The following CLEC11A variants were observed in gnomAD, a reference collection of about 807,000 sequenced individuals.
CLEC11A encodes the protein C-type lectin domain containing 11A, also known as C-type lectin domain family 11 member A.
In CLEC11A, 35 loss-of-function variants were observed where a neutral mutation model predicts 33.9. The ratio of observed to expected loss-of-function variants is 1.03; its 90% CI spans 0.79 to 1.37. CLEC11A has a LOEUF of 1.37. Ranked by LOEUF, CLEC11A falls within the 40% of genes most tolerant of loss-of-function variation. The pLI is 0.00. For missense variants in CLEC11A, 519 were observed against 455.5 expected (o/e 1.14, Z -1.27); for synonymous variants, 220 against 202.2 (o/e 1.09, Z -0.75).
In CLEC11A at chr19:50,724,077, T is replaced by C; in HGVS notation, c.320T>C (p.Ile107Thr). 4.8e-6 allele frequency: 6 copies of C among 1,247,908 alleles called. No individual in the cohort carries two copies. Among genetic ancestry groups the C allele is most frequent in the Non-Finnish European group, 6.8e-6 (6 of 882,754 alleles). The allele number at this position is 1,247,908 out of a possible 1,614,324, so 77.3% of individuals were successfully genotyped here. ...AGCCCCTCTCCCACCCCTGAGGACA[T>C]CGTCACTTACATCCGTGAGTAACCA... ...GPSPSPTPED[I>T]VTYILGRLAG... Residue 107 changes from isoleucine (I) to threonine (T), a missense_variant, in exon 2 of 4, where the codon ATC (isoleucine) becomes ACC (threonine). By Grantham distance (89) the Ile-to-Thr change is moderately conservative (BLOSUM62 -1). Transcript: ENST00000250340. The surrounding 1 kb of genome is among the most constrained non-coding windows in gnomAD (Gnocchi z 4.1).
Position 50,725,545 on chromosome 19 carries a change from T to G in CLEC11A, c.*78T>G, listed in dbSNP as rs1053020. The G allele has an allele frequency of 0.71, 1,040,608 of 1,456,252 alleles. 375,440 individuals are homozygous for G. Among genetic ancestry groups the G allele is most frequent in the African/African-American group, 0.84 (59,145 of 70,096 alleles). The allele number at this position is 1,456,252 out of a possible 1,614,324, so 90.2% of individuals were successfully genotyped here. On this transcript the variant is annotated 3_prime_UTR_variant, in exon 4 of 4. Transcript: ENST00000250340. ...GCCGTGCCCACCCTCCTCCGGAATC[T>G]CCCTTCCCTTCCTGGCCACGAATGG...
Position 50,724,619 on chromosome 19 carries a change from G to A in CLEC11A, c.526+18G>A, listed in dbSNP as rs994706529. On this transcript the variant is annotated intron_variant, in intron 3 of 3. Transcript: ENST00000250340. The surrounding 1 kb of genome is among the most constrained non-coding windows in gnomAD (Gnocchi z 4.1). The stretch of plus-strand genomic sequence containing the variant: ...CTTGGAGGGTGAGTCCGCGGCGCGC[G>A]GGGTGGAAAAAAATGAGACTATCTG... 9 of 1,389,198 alleles carry A rather than the reference G, an allele frequency of 6.5e-6. No individual in the cohort carries two copies. The highest frequency in any genetic ancestry group is 2.9e-5 in the East Asian group (1 of 34,438). 86.1% of individuals were successfully genotyped at this position (1,389,198 alleles called of 1,614,324 possible).
rs1252947297 is a variant in CLEC11A, at chr19:50,725,253, T to A, written c.758T>A (p.Phe253Tyr). 1 of 1,610,290 alleles carries A rather than the reference T, an allele frequency of 6.2e-7. No homozygotes were observed. The highest frequency in any genetic ancestry group is 1.7e-5 in the Admixed American group (1 of 59,792). ...CGGCGCGCCGAGGGCCTCTACCTCTTCGAAAACGGCCAGCGCGTGTCCTTC... is the reference window on the plus strand; with the variant it reads ...CGGCGCGCCGAGGGCCTCTACCTCTACGAAAACGGCCAGCGCGTGTCCTTC... Reference protein sequence around the residue: ...HDRRAEGLYLFENGQRVSFFA... With the variant: ...HDRRAEGLYLYENGQRVSFFA... Residue 253 changes from phenylalanine to tyrosine, a missense_variant, in exon 4 of 4, where the codon TTC becomes TAC. Transcript: ENST00000250340.
Position 50,724,592 on chromosome 19 carries a change from C to A in CLEC11A, c.517C>A (p.Arg173Ser), listed in dbSNP as rs1422205616. Residue 173 changes from arginine to serine, a missense_variant, in exon 3 of 4, where the codon CGC (arginine) becomes AGC (serine). Arg to Ser is a moderately radical substitution (Grantham distance 110). Coordinates refer to ENST00000250340, the MANE Select transcript of CLEC11A (RefSeq NM_002975.3). This position sits in a 1 kb window ranked among gnomAD's most constrained non-coding sequence, Gnocchi z 4.1. The part of the protein sequence containing the change: ...AQGRAEREHG[R>S]LEGCLKGLRL... ...GGGTCGCGCCGAGCGCGAGCACGGC[C>A]GCTTGGAGGGTGAGTCCGCGGCGCG... 2.1e-6 allele frequency: 3 copies of A among 1,414,090 alleles called. No homozygotes were observed. The highest frequency in any genetic ancestry group is 3.0e-5 in the African/African-American group (2 of 66,466). The allele number at this position is 1,414,090 out of a possible 1,614,324, so 87.6% of individuals were successfully genotyped here.
rs747045521 is a variant in CLEC11A at position 50,724,141 on chromosome 19, C to A, written c.334+50C>A. 6.2e-7 allele frequency: 1 copy of A among 1,600,960 alleles called. No homozygotes were observed. The highest frequency in any genetic ancestry group is 1.1e-5 in the South Asian group (1 of 89,652). ...CCAAACTCCTAGGCCGCCGCGGTCA[C>A]TTTCGCAAAAATGAAGGGTCGGTTC... is the stretch of plus-strand genomic sequence containing the variant. On this transcript the variant is annotated intron_variant, in intron 2 of 3. Transcript: ENST00000250340. The surrounding 1 kb of genome is among the most constrained non-coding windows in gnomAD (Gnocchi z 4.1).
chr19:50,724,891 C>T lies in CLEC11A; in HGVS notation c.527-131C>T, dbSNP rs577916616. On this transcript the variant is annotated intron_variant, in intron 3 of 3. Transcript: ENST00000250340. This position sits in a 1 kb window ranked among gnomAD's most constrained non-coding sequence, Gnocchi z 4.1. ...ACCTCCTGGCTCCCGCGGTTCTGAC[C>T]ACGCCTCCTCCCAGCCCTCCCCATG... 171 of 1,409,516 alleles carry T rather than the reference C, an allele frequency of 1.2e-4. 1 individual carries two copies. The African/African-American group carries it at 2.2e-3, about 18-fold the overall frequency. The allele number at this position is 1,409,516 out of a possible 1,614,324, so 87.3% of individuals were successfully genotyped here.
chr19:50,724,797 G>T lies in CLEC11A; in HGVS notation c.526+196G>T, dbSNP rs887188641. On this transcript the variant is annotated intron_variant, in intron 3 of 3. Transcript: ENST00000250340. This position sits in a 1 kb window ranked among gnomAD's most constrained non-coding sequence, Gnocchi z 4.1. ...CTCCAGACCCGCGCGGACCCGACTG[G>T]GGCAGCACCACGCCCCCTACAGTCC... Among the ~76,000 whole-genome samples, 29 of 151,926 alleles carry T rather than the reference G, an allele frequency of 1.9e-4. 1 individual carries two copies. Among genetic ancestry groups the T allele is most frequent in the Admixed American group, 3.9e-4 (6 of 15,278 alleles).
In CLEC11A at chr19:50,724,296, C is replaced by T; in HGVS notation, c.335-114C>T. 2.8e-6 allele frequency: 3 copies of T among 1,079,988 alleles called. No homozygotes were observed. Among genetic ancestry groups the T allele is most frequent in the Non-Finnish European group, 2.6e-6 (2 of 783,402 alleles). The allele number at this position is 1,079,988 out of a possible 1,614,324, so 66.9% of individuals were successfully genotyped here. A position where few individuals can be genotyped will look rare whatever the true frequency, so the allele number is the denominator to read the frequency against. On this transcript the variant is annotated intron_variant, in intron 2 of 3. Transcript: ENST00000250340. This position sits in a 1 kb window ranked among gnomAD's most constrained non-coding sequence, Gnocchi z 4.1. ...CCCTACCTTCCAGGAGTCCGGGGTGCCCCCCCCACCGCCACCCCGCCCTCA... is the reference window on the plus strand; with the variant it reads ...CCCTACCTTCCAGGAGTCCGGGGTGTCCCCCCCACCGCCACCCCGCCCTCA...
In CLEC11A at chr19:50,724,078, C is replaced by T. The variant is rs761600337; in HGVS notation, c.321C>T (p.Ile107=). The T allele has an allele frequency of 5.0e-6, 8 of 1,603,890 alleles. No homozygotes were observed. Among genetic ancestry groups the T allele is most frequent in the Admixed American group, 1.7e-5 (1 of 59,812 alleles). ...GCCCCTCTCCCACCCCTGAGGACATCGTCACTTACATCCGTGAGTAACCAG... is the reference window on the plus strand; with the variant it reads ...GCCCCTCTCCCACCCCTGAGGACATTGTCACTTACATCCGTGAGTAACCAG... ...GPSPSPTPED[I]VTYILGRLAG... The change falls in exon 2 of 4, where the codon ATC becomes ATT. Residue 107 remains isoleucine, a synonymous_variant. Coordinates refer to ENST00000250340, the MANE Select transcript of CLEC11A (RefSeq NM_002975.3). The surrounding 1 kb of genome is among the most constrained non-coding windows in gnomAD (Gnocchi z 4.1).
Position 50,723,416 on chromosome 19 carries a change from G to A in CLEC11A, c.-110G>A. 1 of 1,100,790 alleles carries A rather than the reference G, an allele frequency of 9.1e-7. No individual in the cohort carries two copies. Among genetic ancestry groups the A allele is most frequent in the Non-Finnish European group, 1.3e-6 (1 of 743,450 alleles). The allele number at this position is 1,100,790 out of a possible 1,614,324, so 68.2% of individuals were successfully genotyped here. On this transcript the variant is annotated 5_prime_UTR_variant, in exon 1 of 4. Coordinates refer to ENST00000250340, the MANE Select transcript of CLEC11A (RefSeq NM_002975.3). The surrounding 1 kb of genome is among the most constrained non-coding windows in gnomAD (Gnocchi z 4.1). Reference sequence around the variant, plus strand: ...GAAGCTGGGAGAATCGGGAACCTGGGGGCTAGTGACCTGCACACAGGGCAG... The same window carrying A: ...GAAGCTGGGAGAATCGGGAACCTGGAGGCTAGTGACCTGCACACAGGGCAG...
rs1022634223 is a variant in CLEC11A at position 50,725,677 on chromosome 19, G to T, written c.*210G>T. 5.8e-6 allele frequency: 5 copies of T among 868,454 alleles called. No individual in the cohort carries two copies. Among genetic ancestry groups the T allele is most frequent in the Non-Finnish European group, 8.5e-6 (5 of 588,118 alleles). 53.8% of individuals were successfully genotyped at this position (868,454 alleles called of 1,614,324 possible). On this transcript the variant is annotated 3_prime_UTR_variant, in exon 4 of 4. Transcript: ENST00000250340. ...CTTGAAGGGGCGGGCACCAGGCTAGGTCCGGTGCCAATAAATCCTTGTGGA... is the reference window on the plus strand; with the variant it reads ...CTTGAAGGGGCGGGCACCAGGCTAGTTCCGGTGCCAATAAATCCTTGTGGA...
In CLEC11A at chr19:50,723,770, A is replaced by G; in HGVS notation, c.147+98A>G. 6.5e-7 allele frequency: 1 copy of G among 1,529,226 alleles called. No homozygotes were observed. The allele number at this position is 1,529,226 out of a possible 1,614,324, so 94.7% of individuals were successfully genotyped here. A position where few individuals can be genotyped will look rare whatever the true frequency, so the allele number is the denominator to read the frequency against. On this transcript the variant is annotated intron_variant, in intron 1 of 3. Coordinates refer to ENST00000250340, the MANE Select transcript of CLEC11A (RefSeq NM_002975.3). The surrounding 1 kb of genome is among the most constrained non-coding windows in gnomAD (Gnocchi z 4.1). ...AAATGGACAATGAGGAGCGATTGGGATAGTCTCAGAGGAGTGGGAGGGTGA... is the reference window on the plus strand; with the variant it reads ...AAATGGACAATGAGGAGCGATTGGGGTAGTCTCAGAGGAGTGGGAGGGTGA...
At position 50,725,627 on chromosome 19, in the gene CLEC11A, G is replaced by T; in HGVS notation, c.*160G>T. 7.8e-7 allele frequency: 1 copy of T among 1,284,316 alleles called. No individual in the cohort carries two copies. The allele number at this position is 1,284,316 out of a possible 1,614,324, so 79.6% of individuals were successfully genotyped here. On this transcript the variant is annotated 3_prime_UTR_variant, in exon 4 of 4. Transcript: ENST00000250340. ...TTCTGGGAGGGCTCTTGCGGTGCCG[G>T]CACTCCTCCTTGTTAGTGTCTTTCC...
At position 50,725,057 on chromosome 19, in the gene CLEC11A, T is replaced by G; in HGVS notation, c.562T>G (p.Phe188Val). The G allele has an allele frequency of 6.6e-7, 1 of 1,517,584 alleles. No individual in the cohort carries two copies. The highest frequency in any genetic ancestry group is 1.3e-5 in the South Asian group (1 of 79,004). The allele number at this position is 1,517,584 out of a possible 1,614,324, so 94.0% of individuals were successfully genotyped here. A position where few individuals can be genotyped will look rare whatever the true frequency, so the allele number is the denominator to read the frequency against. The part of the protein sequence containing the change: ...LKGLRLGHKC[F>V]LLSRDFEAQA... ...GGGGCTGCGCCTGGGCCACAAGTGC[T>G]TCCTGCTCTCGCGCGACTTCGAAGC... Residue 188 changes from phenylalanine to valine, a missense_variant, in exon 4 of 4, where the codon TTC (phenylalanine) becomes GTC (valine). Phe to Val is a conservative substitution (Grantham distance 50). Transcript: ENST00000250340.
Position 50,724,467 on chromosome 19 carries a change from C to G in CLEC11A, c.392C>G (p.Ala131Gly). The change falls in exon 3 of 4, where the codon GCG (alanine) becomes GGG (glycine). Residue 131 changes from alanine (A) to glycine (G), a missense_variant. Transcript: ENST00000250340. This position sits in a 1 kb window ranked among gnomAD's most constrained non-coding sequence, Gnocchi z 4.1. ...GLHQLHVRLH[A>G]LDTRVVELTQ... ...CACCAGCTGCACGTCCGTCTGCACG[C>G]GTTGGACACCCGCGTGGTCGAGCTG... is the stretch of plus-strand genomic sequence containing the variant. The G allele has an allele frequency of 6.4e-7, 1 of 1,574,666 alleles. No homozygotes were observed. Among genetic ancestry groups the G allele is most frequent in the South Asian group, 1.1e-5 (1 of 88,234 alleles).
In CLEC11A at chr19:50,725,080, A is replaced by G. The variant is rs772387186; in HGVS notation, c.585A>G (p.Glu195=). The change falls in exon 4 of 4, where the codon GAA becomes GAG. Residue 195 remains glutamate (E), a synonymous_variant. Transcript: ENST00000250340. ...HKCFLLSRDF[E]AQAAAQARCT... Reference sequence around the variant, plus strand: ...GCTTCCTGCTCTCGCGCGACTTCGAAGCTCAGGCGGCGGCGCAGGCGCGGT... The same window carrying G: ...GCTTCCTGCTCTCGCGCGACTTCGAGGCTCAGGCGGCGGCGCAGGCGCGGT... 14 of 1,521,394 alleles carry G rather than the reference A, an allele frequency of 9.2e-6. No homozygotes were observed. Among genetic ancestry groups the G allele is most frequent in the Non-Finnish European group, 1.1e-5 (13 of 1,136,724 alleles). The allele number at this position is 1,521,394 out of a possible 1,614,324, so 94.2% of individuals were successfully genotyped here.
Position 50,725,430 on chromosome 19 carries a change from A to AGCG in CLEC11A, c.939_941dup (p.Arg314dup). The AGCG allele has an allele frequency of 6.2e-7, 1 of 1,610,324 alleles. No individual in the cohort carries two copies. Among genetic ancestry groups the AGCG allele is most frequent in the South Asian group, 1.1e-5 (1 of 90,680 alleles). ...GGCTCCTGGTGGGACCACGACTGCC[A>AGCG]GCGGCGTCTCTACTACGTCTGCGAG... On this transcript the variant is annotated inframe_insertion, in exon 4 of 4. Coordinates refer to ENST00000250340, the MANE Select transcript of CLEC11A (RefSeq NM_002975.3).
chr19:50,725,090 G>GCGGCGCAGGCGCGGTGCA lies in CLEC11A; in HGVS notation c.602_619dup (p.Gln201_Ala206dup). On this transcript the variant is annotated inframe_insertion, in exon 4 of 4. Transcript: ENST00000250340. ...CTCGCGCGACTTCGAAGCTCAGGCGGCGGCGCAGGCGCGGTGCACGGCGCG... is the reference window on the plus strand; with the variant it reads ...CTCGCGCGACTTCGAAGCTCAGGCGGCGGCGCAGGCGCGGTGCACGGCGCAGGCGCGGTGCACGGCGCG... The GCGGCGCAGGCGCGGTGCA allele has an allele frequency of 6.6e-7, 1 of 1,521,548 alleles. No individual in the cohort carries two copies. Among genetic ancestry groups the GCGGCGCAGGCGCGGTGCA allele is most frequent in the Non-Finnish European group, 8.8e-7 (1 of 1,136,880 alleles). The allele number at this position is 1,521,548 out of a possible 1,614,324, so 94.3% of individuals were successfully genotyped here.
At position 50,724,467 on chromosome 19, in the gene CLEC11A, C is replaced by T. The variant is rs1352847434; in HGVS notation, c.392C>T (p.Ala131Val). 6.4e-7 allele frequency: 1 copy of T among 1,574,666 alleles called. No homozygotes were observed. The highest frequency in any genetic ancestry group is 2.3e-5 in the East Asian group (1 of 43,054). ...GLHQLHVRLH[A>V]LDTRVVELTQ... ...CACCAGCTGCACGTCCGTCTGCACGCGTTGGACACCCGCGTGGTCGAGCTG... is the reference window on the plus strand; with the variant it reads ...CACCAGCTGCACGTCCGTCTGCACGTGTTGGACACCCGCGTGGTCGAGCTG... The change falls in exon 3 of 4, where the codon GCG becomes GTG. Residue 131 changes from alanine to valine, a missense_variant. Ala to Val is a moderately conservative substitution (Grantham distance 64). Coordinates refer to ENST00000250340, the MANE Select transcript of CLEC11A (RefSeq NM_002975.3). This position sits in a 1 kb window ranked among gnomAD's most constrained non-coding sequence, Gnocchi z 4.1.
Sources: gnomAD v4.1 joint callset for allele counts (sites outside exome capture counted in the v4.1 genomes callset) on GRCh38, gnomAD v4.1.1 for gene constraint, Gnocchi (gnomAD v3.1) non-coding constraint, MANE v1.5 for transcripts, NCBI Gene and HGNC (gene_info 2026-07-23, HGNC 2026-07-21) for gene names.